Variants in DND1 observed in about 807,000 individuals in gnomAD.
The protein encoded by DND1 is dead end protein homolog 1.
In DND1, 6 loss-of-function variants were observed where a neutral mutation model predicts 30.4. The ratio of observed to expected loss-of-function variants is 0.20; its 90% CI spans 0.11 to 0.39. The LOEUF is 0.39. Among genes scored for constraint, DND1 ranks in the 10% least tolerant of loss-of-function variants. DND1 has a pLI of 1.00. For missense variants in DND1, 358 were observed against 474.9 expected (o/e 0.75, Z 2.29); for synonymous variants, 178 against 210.4 (o/e 0.85, Z 1.33).
rs777653293 is a variant in DND1, at chr5:140,673,374, C to T, written c.39G>A (p.Arg13=). The T allele has an allele frequency of 6.8e-6, 11 of 1,614,152 alleles. 1 individual carries two copies. In the South Asian group the frequency reaches 9.9e-5, roughly 14 times the overall value. Residue 13 remains arginine (R), a synonymous_variant, in exon 2 of 4, where the codon AGG becomes AGA. Transcript: ENST00000542735. ...SKRDCELWCE[R]VNPENKAALE... ...GCGCCGCCTTGTTCTCTGGATTCAC[C>T]CTCTCACACCACAGCTGAGAGGGAA...
At chr5:140,672,422 C>A in intron 3 of DND1, 23 bp downstream of exon 3, 1 of 1,575,056 alleles carries the variant, frequency 6.3e-7, no homozygotes, top group Non-Finnish European at 8.6e-7. Flanking sequence ...TTGGCCCCAA[C>A]CAGCACCCCC....
rs1258648107 is a variant in DND1, at chr5:140,671,374, C to T, written c.981G>A (p.Arg327=). ...HEVAKDAVSV[R]LLQALSESGA... is the part of the protein sequence containing the mutation. ...CAGACTCACTGAGTGCCTGCAGCAG[C>T]CGTACAGACACAGCATCCTTGGCCA... Residue 327 remains arginine, a synonymous_variant, in exon 4 of 4, where the codon CGG becomes CGA. Coordinates refer to ENST00000542735, the MANE Select transcript of DND1 (RefSeq NM_194249.3). 1.2e-6 allele frequency: 2 copies of T among 1,612,786 alleles called. No individual in the cohort carries two copies. The highest frequency in any genetic ancestry group is 3.3e-5 in the Admixed American group (2 of 60,022).
rs1758062755 is a variant in DND1 at position 140,671,173 on chromosome 5, C to T, written c.*120G>A. ...CTGTCCCAGCAGGGAGGCTGATGGG[C>T]CTGGGCCCATGCCCCTCCCCACCTT... On this transcript the variant is annotated 3_prime_UTR_variant, in exon 4 of 4. Transcript: ENST00000542735. 5 of 1,308,076 alleles carry T rather than the reference C, an allele frequency of 3.8e-6. No individual in the cohort carries two copies. In the Admixed American group the frequency reaches 5.4e-5, roughly 14 times the overall value. 81.0% of individuals were successfully genotyped at this position (1,308,076 alleles called of 1,614,324 possible).
Position 140,671,190 on chromosome 5 carries a change from C to T in DND1, c.*103G>A. 1 of 1,477,600 alleles carries T rather than the reference C, an allele frequency of 6.8e-7. No individual in the cohort carries two copies. The highest frequency in any genetic ancestry group is 9.4e-7 in the Non-Finnish European group (1 of 1,062,534). 91.5% of individuals were successfully genotyped at this position (1,477,600 alleles called of 1,614,324 possible). A position where few individuals can be genotyped will look rare whatever the true frequency, so the allele number is the denominator to read the frequency against. ...CTGATGGGCCTGGGCCCATGCCCCT[C>T]CCCACCTTTGGGGGTCAGAAAGTGG... On this transcript the variant is annotated 3_prime_UTR_variant, in exon 4 of 4. Coordinates refer to ENST00000542735, the MANE Select transcript of DND1 (RefSeq NM_194249.3).
rs771550759 is a variant in DND1 at position 140,671,696 on chromosome 5, A to T, written c.659T>A (p.Leu220Gln). Residue 220 changes from leucine to glutamine, a missense_variant, in exon 4 of 4, where the codon CTG (leucine) becomes CAG (glutamine). By Grantham distance (113) the Leu-to-Gln change is moderately radical (BLOSUM62 -2). Coordinates refer to ENST00000542735, the MANE Select transcript of DND1 (RefSeq NM_194249.3). ...QVAVEWLKPD[L>Q]KQRLRQQLVG... is the part of the protein sequence containing the mutation. ...AAGCTGCTGGCGAAGTCGCTGCTTC[A>T]GGTCTGGCTTGAGCCACTCCACAGC... is the stretch of plus-strand genomic sequence containing the variant. 4.4e-6 allele frequency: 7 copies of T among 1,585,746 alleles called. No homozygotes were observed. The highest frequency in any genetic ancestry group is 6.0e-6 in the Non-Finnish European group (7 of 1,165,824).
At chr5:140,672,975 G>A in intron 2 of DND1, 69 bp from the exon 3 acceptor site, 5 of 1,490,702 alleles carry the variant, frequency 3.4e-6, no homozygotes, top group Non-Finnish European at 4.5e-6. Context: ...CGGACCCAGC[G>A]CGCGGGGGTG....
rs1312205658 is a variant in DND1, at chr5:140,670,798, T to A, written c.*495A>T. On this transcript the variant is annotated 3_prime_UTR_variant, in exon 4 of 4. Transcript: ENST00000542735. Reference sequence around the variant, plus strand: ...GCAAGACAGCACAGACACAAGTATATACTAACCAGGGGTTTAATATAAATA... The same window carrying A: ...GCAAGACAGCACAGACACAAGTATAAACTAACCAGGGGTTTAATATAAATA... 1 of 225,574 alleles carries A rather than the reference T, an allele frequency of 4.4e-6. No homozygotes were observed. Among genetic ancestry groups the A allele is most frequent in the African/African-American group, 2.3e-5 (1 of 43,964 alleles). The allele number at this position is 225,574 out of a possible 1,614,324, so 14.0% of individuals were successfully genotyped here.
At chr5:140,672,211 G>A (rs1758099634) in intron 3 of DND1, 3 of 591,680 alleles carry the variant, frequency 5.1e-6, no homozygotes, top group South Asian at 2.0e-5. Flanking sequence ...GCGGTGTGGG[G>A]GTGGGGGAAG....
rs1337976969 is a variant in DND1 at position 140,672,344 on chromosome 5, C to T, written c.604+101G>A. On this transcript the variant is annotated intron_variant, in intron 3 of 3. Coordinates refer to ENST00000542735, the MANE Select transcript of DND1 (RefSeq NM_194249.3). The stretch of plus-strand genomic sequence containing the variant: ...AATAGTAAAAGGTTGCAAATTCTGG[C>T]ATGTTTGACTCTAAGATCTTGTAAC... The T allele has an allele frequency of 5.4e-6, 7 of 1,288,650 alleles. No homozygotes were observed. In the East Asian group the frequency reaches 7.8e-5, roughly 14 times the overall value. 79.8% of individuals were successfully genotyped at this position (1,288,650 alleles called of 1,614,324 possible).
chr5:140,673,104 G>T, intron 2 of DND1, 167 bp downstream of exon 2: 1 of 996,206 alleles, frequency 1.0e-6, no homozygotes, highest in Non-Finnish European at 1.5e-6. Flanking sequence ...CCTTGAGATT[G>T]GCCCCCTCCC....
At chr5:140,673,183 C>T (rs1758140643) in intron 2 of DND1, 88 bp downstream of exon 2, 3 of 1,434,788 alleles carry the variant, frequency 2.1e-6, no homozygotes, top group Non-Finnish European at 2.9e-6. Context: ...GGGTAGTTCG[C>T]AGTTTCTGAC....
intron 2 of DND1, 70 bp downstream of exon 2, chr5:140,673,201 G>T: frequency 1.3e-6 from 2 of 1,532,660 alleles, no homozygotes; most frequent in Non-Finnish European, 9.0e-7. Context: ...GACAGTGAAG[G>T]CTCGGAGCAG....
intron 2 of DND1, 91 bp downstream of exon 2, chr5:140,673,180 T>G: frequency 7.1e-7 from 1 of 1,413,074 alleles, no homozygotes; most frequent in Non-Finnish European, 1.0e-6. Flanking sequence ...TCCGGGTAGT[T>G]CGCAGTTTCT....
At position 140,671,589 on chromosome 5, in the gene DND1, G is replaced by A. The variant is rs185834706; in HGVS notation, c.766C>T (p.Arg256Trp). ...TGGCACAGCAACTGCAGGGTAGCCC[G>A]AGCCCCTTGGAACCCTAACTTGTCC... ...ARDKLGFQGARATLQLLCQRM... is the reference protein window; with the variant it reads ...ARDKLGFQGAWATLQLLCQRM... The change falls in exon 4 of 4, where the codon CGG becomes TGG. Residue 256 changes from arginine to tryptophan, a missense_variant. Physicochemically the swap from Arg to Trp is moderately radical, Grantham distance 101 (BLOSUM62 -3). Around this residue, in one of 3 missense-constraint regions of DND1, gnomAD observed 176 missense variants for 235.2 expected, o/e 0.75. Transcript: ENST00000542735. 43 of 1,568,800 alleles carry A rather than the reference G, an allele frequency of 2.7e-5. No individual in the cohort carries two copies. In the East Asian group the frequency reaches 5.0e-4, roughly 18 times the overall value.
chr5:140,672,329 G>T, intron 3 of DND1, 116 bp downstream of exon 3: 1 of 1,127,174 alleles, frequency 8.9e-7, no homozygotes, highest in Non-Finnish European at 1.3e-6. Context: ...AATAGTAAAA[G>T]GTTGCAAATT....
chr5:140,673,156 C>T, intron 2 of DND1, 115 bp downstream of exon 2: 1 of 1,242,594 alleles, frequency 8.0e-7, no homozygotes, highest in South Asian at 1.2e-5. Context: ...TCCTCCTTTG[C>T]TGGGGGGTAT....
Position 140,671,019 on chromosome 5 carries a change from T to TG in DND1, c.*273dup, listed in dbSNP as rs1419685139. The TG allele has an allele frequency of 2.2e-5, 10 of 450,654 alleles. No individual in the cohort carries two copies. The highest frequency in any genetic ancestry group is 2.2e-5 in the South Asian group (1 of 44,766). 27.9% of individuals were successfully genotyped at this position (450,654 alleles called of 1,614,324 possible). ...GCAGAGGGGGGAAGGTATGATCGGG[T>TG]GGGGGTGGGACAAGGAACGGCCATG... On this transcript the variant is annotated 3_prime_UTR_variant, in exon 4 of 4. Coordinates refer to ENST00000542735, the MANE Select transcript of DND1 (RefSeq NM_194249.3).
At position 140,671,440 on chromosome 5, in the gene DND1, G is replaced by C; in HGVS notation, c.915C>G (p.Ile305Met). ...PGHPVPFSGL[I>M]WVVLTLDGRD... ...GGCCATCTAGGGTCAGCACAACCCA[G>C]ATGAGGCCGCTGAAGGGCACCGGAT... The change falls in exon 4 of 4, where the codon ATC becomes ATG. Residue 305 changes from isoleucine to methionine, a missense_variant. By Grantham distance (10) the Ile-to-Met change is conservative. This residue lies in a region of DND1 where 176 missense variants were observed against 235.2 expected (regional missense o/e 0.75). Transcript: ENST00000542735. 6.2e-7 allele frequency: 1 copy of C among 1,611,762 alleles called. No individual in the cohort carries two copies. The highest frequency in any genetic ancestry group is 8.5e-7 in the Non-Finnish European group (1 of 1,179,768).
chr5:140,673,026 C>A, intron 2 of DND1, 120 bp from the exon 3 acceptor site: 1 of 1,213,212 alleles, frequency 8.2e-7, no homozygotes, highest in Non-Finnish European at 1.2e-6. Flanking sequence ...GGGTTTACAC[C>A]CGTACCCTGG....
Sources: allele counts gnomAD v4.1 joint callset, GRCh38; gene constraint gnomAD v4.1.1; regional missense constraint gnomAD v4.1.1; transcripts MANE v1.5; gene names NCBI Gene and HGNC (gene_info 2026-07-23, HGNC 2026-07-21).